UROS: variants seen among roughly 807,000 people sequenced by gnomAD.
The protein encoded by UROS is uroporphyrinogen-III synthase.
In UROS, 18 loss-of-function variants were observed where a neutral mutation model predicts 33.0. The observed-to-expected ratio is 0.55, with a 90% CI of 0.38 to 0.81. The LOEUF (loss-of-function observed/expected upper bound fraction) is 0.81, where lower values mean the gene tolerates loss of function less well. Ranked by LOEUF, UROS falls within the 30% of genes least tolerant of loss-of-function variation. The pLI is 0.00. For synonymous variants in UROS, 114 were observed against 121.1 expected, an observed-to-expected ratio of 0.94 and a Z score of 0.38; for missense variants, 293 against 314.9, an observed-to-expected ratio of 0.93 and a Z score of 0.53.
intron 7 of UROS, among the ~76,000 whole-genome samples, chr10:125,797,484 CT>C (rs1267136999): frequency 1.3e-5 from 2 of 152,216 alleles, no homozygotes; most frequent in African/African-American, 4.8e-5. Context: ...AAAGCTGGTA[CT>C]CCAAACCACT....
rs563786952 is a variant in UROS, at chr10:125,807,602, A to T, written c.320-115T>A. On this transcript the variant is annotated intron_variant, in intron 5 of 9. Transcript: ENST00000368797. Reference sequence around the variant, plus strand: ...ATGCAGTTTACAAATCACATAGAGGATGTCTTTTCTTGAAAGCTACTGAGG... The same window carrying T: ...ATGCAGTTTACAAATCACATAGAGGTTGTCTTTTCTTGAAAGCTACTGAGG... 4 of 816,270 alleles carry T rather than the reference A, an allele frequency of 4.9e-6. 1 individual carries two copies. The highest frequency in any genetic ancestry group is 2.8e-5 in the South Asian group (2 of 70,442). 50.6% of individuals were successfully genotyped at this position (816,270 alleles called of 1,614,324 possible).
At position 125,788,893 on chromosome 10, in the gene UROS, G is replaced by T; in HGVS notation, c.773C>A (p.Ala258Asp). 6.3e-7 allele frequency: 1 copy of T among 1,599,480 alleles called. No homozygotes were observed. The part of the protein sequence containing the change: ...PQALATGIRK[A>D]LQPHGCC ...TCAGCAGCAGCCATGGGGCTGGAGA[G>T]CCTTCCTGATGCCAGTGGCCAGGGC... Residue 258 changes from alanine to aspartate, a missense_variant, in exon 10 of 10, where the codon GCT (alanine) becomes GAT (aspartate). By Grantham distance (126) the Ala-to-Asp change is moderately radical. Transcript: ENST00000368797.
intron 6 of UROS, 63 bp from the exon 7 acceptor site, chr10:125,798,208 G>C (rs868038468): frequency 1.3e-6 from 2 of 1,565,778 alleles, no homozygotes; most frequent in African/African-American, 2.7e-5. Context: ...AGGGGAATGG[G>C]GAGGGGCAGC....
In UROS at chr10:125,788,647, G is replaced by C; in HGVS notation, c.*221C>G. 1 of 1,423,014 alleles carries C rather than the reference G, an allele frequency of 7.0e-7. No homozygotes were observed. 88.1% of individuals were successfully genotyped at this position (1,423,014 alleles called of 1,614,324 possible). On this transcript the variant is annotated 3_prime_UTR_variant, in exon 10 of 10. Coordinates refer to ENST00000368797, the MANE Select transcript of UROS (RefSeq NM_000375.3). ...TGCTGGGCACAGGAAGCTCTCACAG[G>C]GCTAGGGTTTAAGCTGGCTTCCACA...
intron 9 of UROS, chr10:125,791,424 A>T (rs1057151807): frequency 2.0e-5 from 3 of 152,238 alleles, no homozygotes; most frequent in Non-Finnish European, 4.4e-5. Flanking sequence ...GGAAAATAGC[A>T]GTAATTCGAC....
At chr10:125,786,404 AGTAGCTGGGATTATAG>A (rs561408042), downstream of UROS, among the ~76,000 whole-genome samples, 57 of 151,898 alleles carry the variant, frequency 3.8e-4, no homozygotes, top group East Asian at 8.0e-3. Context: ...CAGCCTCCCA[AGTAGCTGGGATTATAG>A]GCACCCTCCA....
intron 7 of UROS, among the ~76,000 whole-genome samples, chr10:125,797,217 T>C (rs1851440117): frequency 6.6e-6 from 1 of 152,190 alleles, no homozygotes; most frequent in Admixed American, 6.5e-5. Flanking sequence ...ACACTGCTCA[T>C]GTGGACTATT....
chr10:125,799,351 T>C (rs1193479237), intron 6 of UROS, among the ~76,000 whole-genome samples: 4 of 152,230 alleles, frequency 2.6e-5, no homozygotes, highest in African/African-American at 9.6e-5. Context: ...TAGAGACATA[T>C]TTTCAAAGCC....
At chr10:125,816,109 C>G in intron 3 of UROS, 68 bp downstream of exon 3, 2 of 1,439,734 alleles carry the variant, frequency 1.4e-6, no homozygotes, top group South Asian at 2.3e-5. Context: ...AAAATAGTCC[C>G]TCTCTGGCTT....
chr10:125,813,920 CACTT>C (rs1445185719), intron 4 of UROS, among the ~76,000 whole-genome samples: 6 of 152,356 alleles, frequency 3.9e-5, no homozygotes, highest in African/African-American at 1.2e-4. Flanking sequence ...TCACCACTGT[CACTT>C]ACTCCATGCC....
intron 8 of UROS, 116 bp from the exon 9 acceptor site, chr10:125,795,094 A>G: frequency 6.3e-6 from 6 of 945,722 alleles, no homozygotes; most frequent in Non-Finnish European, 8.5e-6. Context: ...CGGTTTTAGC[A>G]CAGGAGTGGT....
At chr10:125,798,201 G>C in intron 6 of UROS, 56 bp from the exon 7 acceptor site, 1 of 1,578,020 alleles carries the variant, frequency 6.3e-7, no homozygotes, top group Non-Finnish European at 8.7e-7. Flanking sequence ...TGTGCACAGG[G>C]GAATGGGGAG....
intron 1 of UROS, among the ~76,000 whole-genome samples, chr10:125,822,703 C>A (rs1328489650): frequency 6.6e-6 from 1 of 152,202 alleles, no homozygotes; most frequent in Non-Finnish European, 1.5e-5. Context: ...GGTGATCCAC[C>A]CGCTTTGACC....
intron 1 of UROS, among the ~76,000 whole-genome samples, chr10:125,821,580 T>C (rs1355410188): frequency 6.6e-6 from 1 of 152,220 alleles, no homozygotes; most frequent in Non-Finnish European, 1.5e-5. Context: ...TTCATGCCAC[T>C]GAACTGTATC....
intron 1 of UROS, among the ~76,000 whole-genome samples, chr10:125,819,312 G>C (rs1853641623): frequency 6.6e-6 from 1 of 152,088 alleles, no homozygotes; most frequent in South Asian, 2.1e-4. Context: ...TTCCACTCCT[G>C]CTCTGAAGCT....
intron 6 of UROS, among the ~76,000 whole-genome samples, chr10:125,799,306 C>G (rs1441876791): frequency 4.6e-5 from 7 of 152,198 alleles, no homozygotes; most frequent in African/African-American, 1.7e-4. Context: ...TTTCTCTCTT[C>G]CAGTGCGAGG....
chr10:125,790,374 T>G (rs1850828595), intron 9 of UROS, among the ~76,000 whole-genome samples: 1 of 151,916 alleles, frequency 6.6e-6, no homozygotes, highest in Non-Finnish European at 1.5e-5. Flanking sequence ...AAAGCAACAC[T>G]AAATTAATGG....
intron 9 of UROS, among the ~76,000 whole-genome samples, chr10:125,791,024 G>A (rs989476762): frequency 5.3e-5 from 8 of 151,840 alleles, no homozygotes; most frequent in African/African-American, 1.5e-4. Context: ...CCCCAGAGGC[G>A]GAGGTTGCAG....
chr10:125,788,513 T>C (rs1259030812), downstream of UROS: 1 of 1,149,262 alleles, frequency 8.7e-7, no homozygotes, highest in Non-Finnish European at 1.1e-6. Flanking sequence ...TTATCAGAGG[T>C]GGGCATACCT....
Sources: gnomAD v4.1 joint callset for allele counts (sites outside exome capture counted in the v4.1 genomes callset) on GRCh38, gnomAD v4.1.1 for gene constraint, MANE v1.5 for transcripts, NCBI Gene and HGNC (gene_info 2026-07-23, HGNC 2026-07-21) for gene names.